Variants in SUSD4 observed in about 807,000 individuals in gnomAD.
SUSD4 encodes sushi domain-containing protein 4.
A neutral mutation model predicts 50.5 loss-of-function variants in SUSD4; 41 were observed. That is an observed-to-expected ratio of 0.81 (90% CI 0.63 to 1.05). The LOEUF is 1.05. SUSD4 is among the 50% of genes least tolerant of loss of function. The pLI, the probability that SUSD4 is intolerant of heterozygous loss-of-function variation, is 0.00. For missense variants in SUSD4, 580 were observed against 634.7 expected, an observed-to-expected ratio of 0.91 and a Z score of 0.93; for synonymous variants, 257 against 257.3, an observed-to-expected ratio of 1.00 and a Z score of 0.01.
intron 5 of SUSD4, among the ~76,000 whole-genome samples, chr1:223,255,447 G>A (rs142215287): frequency 1.1e-4 from 16 of 152,260 alleles, no homozygotes; most frequent in Admixed American, 5.9e-4. Context: ...GGCAGAACCC[G>A]ATGTATGATT....
intron 2 of SUSD4, among the ~76,000 whole-genome samples, chr1:223,302,495 T>G (rs1665259499): frequency 6.6e-6 from 1 of 152,144 alleles, no homozygotes; most frequent in Non-Finnish European, 1.5e-5. Context: ...TGACATTGCT[T>G]CCAGGTGTGT....
chr1:223,272,641 C>T (rs998262782), intron 3 of SUSD4, among the ~76,000 whole-genome samples: 3 of 152,128 alleles, frequency 2.0e-5, no homozygotes, highest in African/African-American at 7.2e-5. Flanking sequence ...CATTAATACT[C>T]CCCCAAAACT....
At chr1:223,235,930 G>T (rs2103012780) in intron 5 of SUSD4, among the ~76,000 whole-genome samples, 1 of 152,308 alleles carries the variant, frequency 6.6e-6, no homozygotes, top group South Asian at 2.1e-4. Flanking sequence ...TTTGTAAGAA[G>T]CCATCAAACT....
intron 2 of SUSD4, among the ~76,000 whole-genome samples, chr1:223,349,291 G>A (rs1457558285): frequency 6.6e-6 from 1 of 152,166 alleles, no homozygotes; most frequent in Non-Finnish European, 1.5e-5. Context: ...CAGTTACTAT[G>A]GATATTAACT....
At chr1:223,356,524 C>A (rs1044806445) in intron 2 of SUSD4, among the ~76,000 whole-genome samples, 1 of 152,058 alleles carries the variant, frequency 6.6e-6, no homozygotes, top group African/African-American at 2.4e-5. Flanking sequence ...GATTCTCCCA[C>A]TTCACCCTCC....
In SUSD4 at chr1:223,231,424, GCAGAGA is replaced by G. The variant is rs1272113981; in HGVS notation, c.725-2042_725-2037del. Among the ~76,000 whole-genome samples the G allele has an allele frequency of 6.6e-6, 1 of 152,174 alleles. No homozygotes were observed. The highest frequency in any genetic ancestry group is 1.5e-5 in the Non-Finnish European group (1 of 68,040). On this transcript the variant is annotated intron_variant, in intron 5 of 8. Coordinates refer to ENST00000366878, the MANE Select transcript of SUSD4 (RefSeq NM_017982.4). The surrounding 1 kb of genome is among the most constrained non-coding windows in gnomAD (Gnocchi z 4.2). Reference sequence around the variant, plus strand: ...GTGAGCATCCCACAGGTGGACACTGGCAGAGACAGGCTTTGAGCTCTGACTCTGAGG... The same window carrying G: ...GTGAGCATCCCACAGGTGGACACTGGCAGGCTTTGAGCTCTGACTCTGAGG...
Position 223,306,951 on chromosome 1 carries a change from GT to G in SUSD4, c.149-14301del, listed in dbSNP as rs11379914. On this transcript the variant is annotated intron_variant, in intron 2 of 8. Coordinates refer to ENST00000366878, the MANE Select transcript of SUSD4 (RefSeq NM_017982.4). ...ATCACTAAATGAGGCATATGGATGA[GT>G]TTTTTTTTTTGGGGGGGGGTGTCCC... 1.1e-3 allele frequency among the ~76,000 whole-genome samples: 154 copies of G among 144,388 alleles called. 1 individual carries two copies. The highest frequency in any genetic ancestry group is 1.9e-3 in the African/African-American group (74 of 38,484). 94.7% of individuals were successfully genotyped at this position (144,388 alleles called of 152,430 possible).
At chr1:223,338,360 A>T (rs1373936319) in intron 2 of SUSD4, among the ~76,000 whole-genome samples, 2 of 152,198 alleles carry the variant, frequency 1.3e-5, no homozygotes, top group Non-Finnish European at 2.9e-5. Flanking sequence ...ACCTTCAGCC[A>T]TTTAGTACAA....
chr1:223,273,691 C>T (rs1190400040), intron 3 of SUSD4, among the ~76,000 whole-genome samples: 1 of 152,202 alleles, frequency 6.6e-6, no homozygotes, highest in Non-Finnish European at 1.5e-5. Context: ...GCCATGCCCA[C>T]GTGACTAAGC....
intron 3 of SUSD4, among the ~76,000 whole-genome samples, chr1:223,282,082 T>C (rs1219684933): frequency 6.6e-6 from 1 of 152,158 alleles, no homozygotes; most frequent in Non-Finnish European, 1.5e-5. Flanking sequence ...ATTGATGGGA[T>C]GTATCTCAAA....
chr1:223,363,227 T>C lies in SUSD4; in HGVS notation c.148+51A>G, dbSNP rs1350970426. 6 of 1,450,982 alleles carry C rather than the reference T, an allele frequency of 4.1e-6. No homozygotes were observed. The Admixed American group carries it at 1.5e-4, about 35-fold the overall frequency. The allele number at this position is 1,450,982 out of a possible 1,614,324, so 89.9% of individuals were successfully genotyped here. Reference sequence around the variant, plus strand: ...GGGCTGTCCTGGCAGCTAGGCTCTTTCTCCCCTCTGGGCCATCCCCAGGCC... The same window carrying C: ...GGGCTGTCCTGGCAGCTAGGCTCTTCCTCCCCTCTGGGCCATCCCCAGGCC... On this transcript the variant is annotated intron_variant, in intron 2 of 8. Coordinates refer to ENST00000366878, the MANE Select transcript of SUSD4 (RefSeq NM_017982.4).
chr1:223,310,195 C>G (rs1665789627), intron 2 of SUSD4, among the ~76,000 whole-genome samples: 1 of 152,310 alleles, frequency 6.6e-6, no homozygotes, highest in South Asian at 2.1e-4. Flanking sequence ...GGATGCTGCT[C>G]TGTGTGGAAG....
intron 7 of SUSD4, among the ~76,000 whole-genome samples, chr1:223,224,086 C>T (rs1004134394): frequency 2.6e-5 from 4 of 152,224 alleles, no homozygotes; most frequent in African/African-American, 7.2e-5. Flanking sequence ...TGGTGGCTCA[C>T]ACCTGCAATC....
intron 5 of SUSD4, among the ~76,000 whole-genome samples, chr1:223,245,248 T>C (rs931407983): frequency 6.0e-5 from 9 of 151,184 alleles, no homozygotes; most frequent in Non-Finnish European, 1.2e-4. Flanking sequence ...TTTTATTTTA[T>C]CTAGTATCTG....
chr1:223,275,845 A>G (rs1042101747), intron 3 of SUSD4, among the ~76,000 whole-genome samples: 1 of 152,248 alleles, frequency 6.6e-6, no homozygotes, highest in Non-Finnish European at 1.5e-5. Context: ...GAATTTAACA[A>G]GCGCTGGCCC....
intron 5 of SUSD4, among the ~76,000 whole-genome samples, chr1:223,244,464 T>C (rs1054179771): frequency 6.6e-6 from 1 of 151,746 alleles, no homozygotes; most frequent in Non-Finnish European, 1.5e-5. Flanking sequence ...TGGGGAGCAA[T>C]GGAAAAGACA....
chr1:223,360,117 G>T (rs1238834875), intron 2 of SUSD4: 1 of 442,878 alleles, frequency 2.3e-6, no homozygotes, highest in African/African-American at 2.1e-5. Flanking sequence ...GGAAGCTGAG[G>T]CTCCCAAGTC....
At chr1:223,355,853 G>A (rs1668634945) in intron 2 of SUSD4, among the ~76,000 whole-genome samples, 1 of 152,160 alleles carries the variant, frequency 6.6e-6, no homozygotes. Flanking sequence ...AGGTTTACCA[G>A]GTTCTGCAAT....
At chr1:223,228,136 A>G (rs1381577470) in intron 6 of SUSD4, among the ~76,000 whole-genome samples, 1 of 152,104 alleles carries the variant, frequency 6.6e-6, no homozygotes, top group African/African-American at 2.4e-5. Flanking sequence ...ATGTTCTGGG[A>G]TATGCTGTGG....
Sources: gnomAD v4.1 joint callset for allele counts (sites outside exome capture counted in the v4.1 genomes callset) on GRCh38, gnomAD v4.1.1 for gene constraint, Gnocchi (gnomAD v3.1) non-coding constraint, MANE v1.5 for transcripts, NCBI Gene and HGNC (gene_info 2026-07-23, HGNC 2026-07-21) for gene names.